Variants in POT1 observed in about 807,000 individuals in gnomAD.
The protein encoded by POT1 is protection of telomeres protein 1.
In POT1, 47 loss-of-function variants were observed where a neutral mutation model predicts 78.5. The ratio of observed to expected loss-of-function variants is 0.60; its 90% CI spans 0.47 to 0.76. POT1 has a LOEUF of 0.76. Ranked by LOEUF, POT1 falls within the 30% of genes least tolerant of loss-of-function variation. The pLI is 0.00. For missense variants in POT1, 646 were observed against 749.9 expected (o/e 0.86, Z 1.62); for synonymous variants, 259 against 260.7 (o/e 0.99, Z 0.06).
intron 7 of POT1, among the ~76,000 whole-genome samples, chr7:124,867,704 T>C (rs936334863): frequency 1.1e-4 from 16 of 152,108 alleles, no homozygotes; most frequent in African/African-American, 1.9e-4. Flanking sequence ...TGGAGTGCAG[T>C]GGTGCGATCT....
chr7:124,875,735 G>A (rs1294989016), intron 6 of POT1, among the ~76,000 whole-genome samples: 1 of 152,098 alleles, frequency 6.6e-6, no homozygotes, highest in Non-Finnish European at 1.5e-5. Context: ...TAAAAATAGG[G>A]AGAAAATACA....
chr7:124,865,282 C>A (rs1562994230), intron 7 of POT1, among the ~76,000 whole-genome samples: 2 of 151,940 alleles, frequency 1.3e-5, no homozygotes. Flanking sequence ...TCTGGATGTG[C>A]GTTTCTTTGC....
intron 4 of POT1, among the ~76,000 whole-genome samples, chr7:124,897,913 T>A (rs1250258745): frequency 6.6e-6 from 1 of 151,758 alleles, no homozygotes; most frequent in Non-Finnish European, 1.5e-5. Flanking sequence ...AAGGAAAAAA[T>A]CCGTTTTACC....
At chr7:124,850,848 AAG>A (rs1470665752) in intron 11 of POT1, among the ~76,000 whole-genome samples, 1 of 152,092 alleles carries the variant, frequency 6.6e-6, no homozygotes, top group African/African-American at 2.4e-5. Context: ...TTGAGATGGA[AAG>A]AGAATACATC....
chr7:124,919,160 T>C (rs1239610312), intron 2 of POT1, among the ~76,000 whole-genome samples: 2 of 152,162 alleles, frequency 1.3e-5, no homozygotes, highest in African/African-American at 4.8e-5. Context: ...TATTGAATAC[T>C]GTAGGCAATT....
Position 124,892,284 on chromosome 7 carries a change from A to G in POT1, c.106T>C (p.Tyr36His). 6.5e-7 allele frequency: 1 copy of G among 1,539,710 alleles called. No homozygotes were observed. Reference protein sequence around the residue: ...YGVVKFFKPPYLSKGTDYCSV... With the variant: ...YGVVKFFKPPHLSKGTDYCSV... ...TACCTACCAGTTCCTTTGCTTAGAT[A>G]TGGGGGCTTAAAGAACTTCACAACA... The change falls in exon 6 of 19, where the codon TAT (tyrosine) becomes CAT (histidine). Residue 36 changes from tyrosine to histidine, a missense_variant. Tyr to His is a moderately conservative substitution (Grantham distance 83). Transcript: ENST00000357628.
chr7:124,902,732 A>G (rs1221033414), intron 3 of POT1, among the ~76,000 whole-genome samples: 1 of 152,206 alleles, frequency 6.6e-6, no homozygotes, highest in Non-Finnish European at 1.5e-5. Flanking sequence ...CAGAATGGCA[A>G]ATTGGATAAA....
intron 8 of POT1, among the ~76,000 whole-genome samples, chr7:124,859,700 AAAT>A (rs1795537577): frequency 6.6e-6 from 1 of 150,728 alleles, no homozygotes; most frequent in African/African-American, 2.4e-5. Flanking sequence ...CTCTGGCTAT[AAAT>A]GACGCCTGGT....
chr7:124,830,777 G>A (rs990574764), intron 15 of POT1, among the ~76,000 whole-genome samples: 1 of 151,874 alleles, frequency 6.6e-6, no homozygotes, highest in Non-Finnish European at 1.5e-5. Context: ...AAAGGGATGA[G>A]AGTAACCTAT....
At chr7:124,838,572 G>C (rs545717382) in intron 14 of POT1, among the ~76,000 whole-genome samples, 64 of 151,902 alleles carry the variant, frequency 4.2e-4, no homozygotes, top group Non-Finnish European at 6.5e-4. Flanking sequence ...CAAGTTGTTA[G>C]TTCTCTGTCT....
chr7:124,855,851 C>T (rs1795434988), intron 9 of POT1, among the ~76,000 whole-genome samples: 1 of 151,860 alleles, frequency 6.6e-6, no homozygotes, highest in African/African-American at 2.4e-5. Context: ...TATTGAAGGC[C>T]AAAACATAAT....
chr7:124,899,052 T>C (rs1316240240), intron 3 of POT1, among the ~76,000 whole-genome samples: 3 of 152,192 alleles, frequency 2.0e-5, no homozygotes, highest in Admixed American at 6.5e-5. Context: ...TACACCAAAA[T>C]GTCTGGGCTT....
chr7:124,916,917 C>T (rs975664567), intron 2 of POT1, among the ~76,000 whole-genome samples: 2 of 152,092 alleles, frequency 1.3e-5, no homozygotes, highest in African/African-American at 4.8e-5. Flanking sequence ...CTGCTTGGCT[C>T]TTTCTCCTCT....
At chr7:124,900,235 T>C (rs1354066170) in intron 3 of POT1, among the ~76,000 whole-genome samples, 1 of 152,188 alleles carries the variant, frequency 6.6e-6, no homozygotes, top group African/African-American at 2.4e-5. Context: ...GATCCTCTCA[T>C]AAGTATAGTG....
At chr7:124,828,463 T>C (rs1453941992) in intron 16 of POT1, among the ~76,000 whole-genome samples, 1 of 152,144 alleles carries the variant, frequency 6.6e-6, no homozygotes, top group Admixed American at 6.6e-5. Flanking sequence ...ATTTAAACAG[T>C]ATAACTAATT....
At chr7:124,864,682 A>ATT (rs1795678403) in intron 7 of POT1, among the ~76,000 whole-genome samples, 1 of 151,980 alleles carries the variant, frequency 6.6e-6, no homozygotes, top group Non-Finnish European at 1.5e-5. Flanking sequence ...GCCACTTCCT[A>ATT]TTTTACGCGT....
chr7:124,828,422 T>C (rs1489701677), intron 16 of POT1, among the ~76,000 whole-genome samples: 1 of 152,206 alleles, frequency 6.6e-6, no homozygotes, highest in African/African-American at 2.4e-5. Flanking sequence ...ATTTATAGAA[T>C]GTTTTATTAG....
intron 6 of POT1, among the ~76,000 whole-genome samples, chr7:124,876,786 T>C (rs1796000727): frequency 2.6e-5 from 4 of 152,132 alleles, no homozygotes; most frequent in Admixed American, 6.6e-5. Context: ...ACATACTCTG[T>C]AAAAAATACA....
At chr7:124,851,678 A>C (rs1795308883) in intron 11 of POT1, 194 bp downstream of exon 11, 2 of 572,886 alleles carry the variant, frequency 3.5e-6, no homozygotes, top group Non-Finnish European at 3.1e-6. Flanking sequence ...CCAATTTGAA[A>C]ACGTAATTAT....
Sources: gnomAD v4.1 joint callset for allele counts (sites outside exome capture counted in the v4.1 genomes callset) on GRCh38, gnomAD v4.1.1 for gene constraint, MANE v1.5 for transcripts, NCBI Gene and HGNC (gene_info 2026-07-23, HGNC 2026-07-21) for gene names.